The following F2R variants were observed in gnomAD, a reference collection of about 807,000 sequenced individuals.
The protein encoded by F2R is coagulation factor II thrombin receptor, also known as proteinase-activated receptor 1.
In F2R, 12 loss-of-function variants were observed where a neutral mutation model predicts 18.3. That is an observed-to-expected ratio of 0.66 (90% CI 0.42 to 1.06). The LOEUF (loss-of-function observed/expected upper bound fraction) is 1.06, where lower values mean the gene tolerates loss of function less well. Among genes scored for constraint, F2R ranks in the 50% least tolerant of loss-of-function variants. The pLI, the probability that F2R is intolerant of heterozygous loss-of-function variation, is 0.00. For missense variants in F2R, 438 were observed against 530.8 expected, an observed-to-expected ratio of 0.83 and a Z score of 1.72; for synonymous variants, 210 against 219.9, an observed-to-expected ratio of 0.95 and a Z score of 0.40.
At position 76,719,663 on chromosome 5, in the gene F2R, C is replaced by T. The variant is rs556865408; in HGVS notation, c.88+3268C>T. On this transcript the variant is annotated intron_variant, in intron 1 of 1. Coordinates refer to ENST00000319211, the MANE Select transcript of F2R (RefSeq NM_001992.5). Reference sequence around the variant, plus strand: ...GAAGTGCAGGCTTTCTCTAACACCCCCTATAGAAAGGAAGCCATCTAGACT... The same window carrying T: ...GAAGTGCAGGCTTTCTCTAACACCCTCTATAGAAAGGAAGCCATCTAGACT... Among the ~76,000 whole-genome samples, 10 of 152,258 alleles carry T rather than the reference C, an allele frequency of 6.6e-5. No individual in the cohort carries two copies. The East Asian group carries it at 1.9e-3, about 29-fold the overall frequency.
chr5:76,720,207 T>C lies in F2R; in HGVS notation c.88+3812T>C, dbSNP rs529898363. On this transcript the variant is annotated intron_variant, in intron 1 of 1. Transcript: ENST00000319211. The stretch of plus-strand genomic sequence containing the variant: ...GCTCACACCTGTAATCCCAGCACTT[T>C]GGGAACCCTAGGCCAGATGATCGCT... 1.5e-3 allele frequency among the ~76,000 whole-genome samples: 229 copies of C among 152,246 alleles called. 1 individual carries two copies. Among genetic ancestry groups the C allele is most frequent in the South Asian group, 3.9e-3 (19 of 4,814 alleles).
chr5:76,726,257 C>T (rs766794065), intron 1 of F2R, among the ~76,000 whole-genome samples: 8 of 151,700 alleles, frequency 5.3e-5, no homozygotes, highest in Non-Finnish European at 1.0e-4. Flanking sequence ...GGCAGCCGGG[C>T]GCGGTGGCTC....
intron 1 of F2R, among the ~76,000 whole-genome samples, chr5:76,723,165 T>C (rs1345534026): frequency 6.6e-6 from 1 of 152,172 alleles, no homozygotes; most frequent in Non-Finnish European, 1.5e-5. Context: ...TCAGTAGGAC[T>C]CCAGAATTCC....
Position 76,732,818 on chromosome 5 carries a change from T to C in F2R, c.593T>C (p.Ile198Thr). 1 of 1,614,220 alleles carries C rather than the reference T, an allele frequency of 6.2e-7. No individual in the cohort carries two copies. The highest frequency in any genetic ancestry group is 8.5e-7 in the Non-Finnish European group (1 of 1,180,040). The change falls in exon 2 of 2, where the codon ATT becomes ACT. Residue 198 changes from isoleucine to threonine, a missense_variant. Coordinates refer to ENST00000319211, the MANE Select transcript of F2R (RefSeq NM_001992.5). Reference sequence around the variant, plus strand: ...ATCTTGCTCATGACAGTCATAAGCATTGACCGGTTTCTGGCTGTGGTGTAT... The same window carrying C: ...ATCTTGCTCATGACAGTCATAAGCACTGACCGGTTTCTGGCTGTGGTGTAT... ...ASILLMTVIS[I>T]DRFLAVVYPM...
chr5:76,731,553 G>A (rs558926948), intron 1 of F2R, among the ~76,000 whole-genome samples: 17 of 150,426 alleles, frequency 1.1e-4, no homozygotes, highest in Admixed American at 4.0e-4. Context: ...TTTTTGAGAC[G>A]GAGTCTCACT....
intron 1 of F2R, among the ~76,000 whole-genome samples, chr5:76,728,798 C>T (rs1037094868): frequency 7.0e-6 from 1 of 143,176 alleles, no homozygotes; most frequent in Admixed American, 7.4e-5. Context: ...TCAAGCAATT[C>T]TCCTGCCTCA....
At chr5:76,718,544 A>T (rs1006766265) in intron 1 of F2R, among the ~76,000 whole-genome samples, 1 of 152,200 alleles carries the variant, frequency 6.6e-6, no homozygotes, top group Non-Finnish European at 1.5e-5. Context: ...TTCCTCCAGC[A>T]CTTCCCGACT....
In F2R at chr5:76,716,176, C is replaced by A; in HGVS notation, c.-132C>A. The A allele has an allele frequency of 8.8e-6, 5 of 566,748 alleles. No individual in the cohort carries two copies. Among genetic ancestry groups the A allele is most frequent in the Non-Finnish European group, 2.6e-6 (1 of 381,090 alleles). The allele number at this position is 566,748 out of a possible 1,614,324, so 35.1% of individuals were successfully genotyped here. ...GAGGGTCGCTTGGACCCTGATCTTA[C>A]CCGTGGGCACCCTGCGCTCTGCCTG... is the stretch of plus-strand genomic sequence containing the variant. On this transcript the variant is annotated 5_prime_UTR_variant, in exon 1 of 2. Coordinates refer to ENST00000319211, the MANE Select transcript of F2R (RefSeq NM_001992.5).
chr5:76,727,105 A>G (rs1748575116), intron 1 of F2R, among the ~76,000 whole-genome samples: 1 of 152,250 alleles, frequency 6.6e-6, no homozygotes, highest in Non-Finnish European at 1.5e-5. Flanking sequence ...AGGAGGGAAG[A>G]TGAACCTAGA....
At chr5:76,721,402 G>A (rs368264750) in intron 1 of F2R, among the ~76,000 whole-genome samples, 14 of 152,110 alleles carry the variant, frequency 9.2e-5, no homozygotes, top group Middle Eastern at 3.4e-3. Context: ...CCCAGATACC[G>A]TCTCCCACAC....
intron 1 of F2R, among the ~76,000 whole-genome samples, chr5:76,722,282 G>A (rs1192636708): frequency 6.6e-6 from 1 of 152,164 alleles, no homozygotes; most frequent in Non-Finnish European, 1.5e-5. Flanking sequence ...ATGTCTTGTT[G>A]GAGAGTAGAG....
Position 76,733,549 on chromosome 5 carries a change from A to T in F2R, c.*46A>T. Reference sequence around the variant, plus strand: ...TTAAAAAGAAAAGTTTATAAAAGTGAATAACCTGAGGATTCTATTAGTCCC... The same window carrying T: ...TTAAAAAGAAAAGTTTATAAAAGTGTATAACCTGAGGATTCTATTAGTCCC... On this transcript the variant is annotated 3_prime_UTR_variant, in exon 2 of 2. Transcript: ENST00000319211. 2 of 1,465,946 alleles carry T rather than the reference A, an allele frequency of 1.4e-6. No homozygotes were observed. The highest frequency in any genetic ancestry group is 2.7e-5 in the South Asian group (2 of 74,412). 90.8% of individuals were successfully genotyped at this position (1,465,946 alleles called of 1,614,324 possible).
At chr5:76,717,875 G>T (rs553259607) in intron 1 of F2R, among the ~76,000 whole-genome samples, 1 of 152,140 alleles carries the variant, frequency 6.6e-6, no homozygotes, top group Non-Finnish European at 1.5e-5. Context: ...AAGTCAAAGC[G>T]TACTGGTTTC....
intron 1 of F2R, among the ~76,000 whole-genome samples, chr5:76,726,448 G>A (rs1380344954): frequency 3.3e-5 from 5 of 151,944 alleles, no homozygotes; most frequent in South Asian, 2.1e-4. Flanking sequence ...AGAGAATGGC[G>A]TGAACCCGGG....
At position 76,733,968 on chromosome 5, in the gene F2R, CA is replaced by C. The variant is rs1748733448; in HGVS notation, c.*466del. 1 of 158,272 alleles carries C rather than the reference CA, an allele frequency of 6.3e-6. No individual in the cohort carries two copies. The highest frequency in any genetic ancestry group is 1.9e-4 in the South Asian group (1 of 5,376). The allele number at this position is 158,272 out of a possible 1,614,324, so 9.8% of individuals were successfully genotyped here. ...CTGAACATTTCATGGTGTTCATCAA[CA>C]GTGAGAGACTCCATAGTTTGGGCTT... On this transcript the variant is annotated 3_prime_UTR_variant, in exon 2 of 2. Coordinates refer to ENST00000319211, the MANE Select transcript of F2R (RefSeq NM_001992.5).
chr5:76,722,782 C>G (rs1748489111), intron 1 of F2R, among the ~76,000 whole-genome samples: 1 of 152,054 alleles, frequency 6.6e-6, no homozygotes, highest in East Asian at 1.9e-4. Context: ...GAAACCCTGT[C>G]TCTACTAAAA....
At chr5:76,722,343 A>G (rs766391427) in intron 1 of F2R, among the ~76,000 whole-genome samples, 30 of 152,176 alleles carry the variant, frequency 2.0e-4, no homozygotes, top group Non-Finnish European at 3.8e-4. Context: ...TTCTTGGAGA[A>G]CAGACCTGGA....
At chr5:76,729,268 A>C (rs1748627551) in intron 1 of F2R, among the ~76,000 whole-genome samples, 1 of 152,072 alleles carries the variant, frequency 6.6e-6, no homozygotes, top group South Asian at 2.1e-4. Flanking sequence ...GATGTTGAGC[A>C]TTTTTTCATA....
chr5:76,717,455 C>A (rs1024941872), intron 1 of F2R, among the ~76,000 whole-genome samples: 16 of 151,858 alleles, frequency 1.1e-4, no homozygotes, highest in Admixed American at 1.0e-3. Flanking sequence ...TATATTGCTC[C>A]CACACTCAAA....
Sources: allele counts gnomAD v4.1 joint callset (sites outside exome capture counted in the v4.1 genomes callset), GRCh38; gene constraint gnomAD v4.1.1; transcripts MANE v1.5; gene names NCBI Gene and HGNC (gene_info 2026-07-23, HGNC 2026-07-21).